The following NKAIN2 variants were observed in gnomAD, a reference collection of about 807,000 sequenced individuals.
NKAIN2 encodes sodium/potassium-transporting ATPase subunit beta-1-interacting protein 2.
In NKAIN2, 14 loss-of-function variants were observed where a neutral mutation model predicts 32.6. The ratio of observed to expected loss-of-function variants is 0.43; its 90% confidence interval spans 0.28 to 0.67. The LOEUF is 0.67. Among genes scored for constraint, NKAIN2 ranks in the 30% least tolerant of loss-of-function variants. The pLI, the probability that NKAIN2 is intolerant of heterozygous loss-of-function variation, is 0.17. For synonymous variants in NKAIN2, 80 were observed against 87.2 expected (o/e 0.92, Z 0.46); for missense variants, 198 against 258.3 (o/e 0.77, Z 1.60).
Position 123,970,110 on chromosome 6 carries a change from G to GATATATATATAT in NKAIN2, c.54+165861_54+165872dup, listed in dbSNP as rs71541239. 2.1e-3 allele frequency among the ~76,000 whole-genome samples: 315 copies of GATATATATATAT among 149,264 alleles called. 1 individual carries two copies. The highest frequency in any genetic ancestry group is 7.0e-3 in the Middle Eastern group (2 of 284). On this transcript the variant is annotated intron_variant, in intron 1 of 6. Transcript: ENST00000368417. ...CACACAAAATACTGATTATTAAATG[G>GATATATATATAT]ATATATATATATATATGTATAAATG...
intron 4 of NKAIN2, among the ~76,000 whole-genome samples, chr6:124,712,741 G>A (rs1775563584): frequency 6.6e-6 from 1 of 151,836 alleles, no homozygotes; most frequent in African/African-American, 2.4e-5. Context: ...ACCTCAGATG[G>A]AAATGCAGAA....
intron 5 of NKAIN2, among the ~76,000 whole-genome samples, chr6:124,796,098 C>G (rs1310836868): frequency 2.0e-5 from 3 of 152,098 alleles, no homozygotes; most frequent in Non-Finnish European, 2.9e-5. Flanking sequence ...CAGGGGATGA[C>G]AGCAACCCTC....
chr6:124,804,764 C>T (rs1470514293), intron 5 of NKAIN2, among the ~76,000 whole-genome samples: 2 of 152,094 alleles, frequency 1.3e-5, no homozygotes, highest in Non-Finnish European at 2.9e-5. Flanking sequence ...ACAGACGGCA[C>T]CTGGAAAATC....
At chr6:124,190,558 G>A (rs1433134284) in intron 1 of NKAIN2, among the ~76,000 whole-genome samples, 1 of 152,130 alleles carries the variant, frequency 6.6e-6, no homozygotes, top group Non-Finnish European at 1.5e-5. Flanking sequence ...TCTATAATTG[G>A]CATTTAAACA....
chr6:123,914,147 C>A (rs374905607), intron 1 of NKAIN2, among the ~76,000 whole-genome samples: 60 of 152,042 alleles, frequency 3.9e-4, no homozygotes, highest in African/African-American at 1.4e-3. Flanking sequence ...TGGTGAGGGC[C>A]CTCTTTCTCT....
intron 1 of NKAIN2, among the ~76,000 whole-genome samples, chr6:124,120,609 G>T (rs1785833821): frequency 6.6e-6 from 1 of 152,046 alleles, no homozygotes; most frequent in Admixed American, 6.6e-5. Flanking sequence ...CTTAGCTGCT[G>T]GATTTCACTG....
At chr6:124,170,528 A>G (rs752936945) in intron 1 of NKAIN2, among the ~76,000 whole-genome samples, 1 of 152,210 alleles carries the variant, frequency 6.6e-6, no homozygotes, top group Non-Finnish European at 1.5e-5. Flanking sequence ...TGGACAATGA[A>G]AGTGTGCTGT....
At chr6:123,981,500 C>T (rs1406857789) in intron 1 of NKAIN2, among the ~76,000 whole-genome samples, 1 of 152,236 alleles carries the variant, frequency 6.6e-6, no homozygotes, top group East Asian at 1.9e-4. Flanking sequence ...CAGACCTTCC[C>T]ATTAGCCACT....
At chr6:124,063,924 C>T (rs1210945597) in intron 1 of NKAIN2, among the ~76,000 whole-genome samples, 1 of 151,764 alleles carries the variant, frequency 6.6e-6, no homozygotes, top group Non-Finnish European at 1.5e-5. Flanking sequence ...TTATACTGTA[C>T]TAACATATTT....
intron 1 of NKAIN2, among the ~76,000 whole-genome samples, chr6:124,218,020 A>G (rs1791579203): frequency 6.6e-6 from 1 of 152,090 alleles, no homozygotes; most frequent in East Asian, 1.9e-4. Context: ...TCTGAAAGCT[A>G]CAGTTCCAGA....
intron 3 of NKAIN2, among the ~76,000 whole-genome samples, chr6:124,372,564 G>C (rs1385663345): frequency 6.6e-6 from 1 of 152,074 alleles, no homozygotes; most frequent in Non-Finnish European, 1.5e-5. Context: ...ACACTGAAAT[G>C]TTCTCTTTAG....
At chr6:123,981,012 G>A (rs555155657) in intron 1 of NKAIN2, among the ~76,000 whole-genome samples, 1 of 152,102 alleles carries the variant, frequency 6.6e-6, no homozygotes, top group South Asian at 2.1e-4. Flanking sequence ...TAGGACTACA[G>A]GCACGCACCA....
intron 4 of NKAIN2, among the ~76,000 whole-genome samples, chr6:124,665,896 G>C (rs970318203): frequency 6.6e-6 from 1 of 152,124 alleles, no homozygotes; most frequent in Non-Finnish European, 1.5e-5. Flanking sequence ...GTACTTCTCA[G>C]TAAATCGTGA....
intron 1 of NKAIN2, among the ~76,000 whole-genome samples, chr6:124,033,588 A>T (rs1164968895): frequency 2.6e-5 from 4 of 152,098 alleles, no homozygotes; most frequent in Non-Finnish European, 5.9e-5. Flanking sequence ...CTGAAATGAA[A>T]ATTGATGACC....
rs987379721 is a variant in NKAIN2 at position 123,999,889 on chromosome 6, G to A, written c.54+195635G>A. On this transcript the variant is annotated intron_variant, in intron 1 of 6. Coordinates refer to ENST00000368417, the MANE Select transcript of NKAIN2 (RefSeq NM_001040214.3). ...CTTTGTCTTCCTATATTTAGTTGCT[G>A]TCAATGAGTTTTGGTATGTACAAAT... is the stretch of plus-strand genomic sequence containing the variant. Among the ~76,000 whole-genome samples the A allele has an allele frequency of 2.6e-5, 4 of 152,160 alleles. 1 individual carries two copies. The East Asian group carries it at 7.7e-4, about 29-fold the overall frequency.
intron 3 of NKAIN2, among the ~76,000 whole-genome samples, chr6:124,392,008 A>G (rs1036468934): frequency 6.6e-6 from 1 of 152,144 alleles, no homozygotes; most frequent in Admixed American, 6.6e-5. Flanking sequence ...ACCTGATATA[A>G]CACATTCATT....
intron 3 of NKAIN2, among the ~76,000 whole-genome samples, chr6:124,395,600 A>G (rs1485526356): frequency 6.6e-6 from 1 of 152,192 alleles, no homozygotes; most frequent in African/African-American, 2.4e-5. Flanking sequence ...CTCAGTCACA[A>G]CTGAAACTTA....
chr6:124,676,910 T>C (rs1031929474), intron 4 of NKAIN2, among the ~76,000 whole-genome samples: 1 of 152,198 alleles, frequency 6.6e-6, no homozygotes, highest in African/African-American at 2.4e-5. Context: ...AATAAGTCTC[T>C]TGTTATCTCA....
At chr6:123,858,147 G>T (rs774495299) in intron 1 of NKAIN2, among the ~76,000 whole-genome samples, 2 of 149,430 alleles carry the variant, frequency 1.3e-5, no homozygotes, top group Non-Finnish European at 3.0e-5. Context: ...AGGGATACTC[G>T]CTCTGTCGCC....
Sources: allele counts gnomAD v4.1 joint callset (sites outside exome capture counted in the v4.1 genomes callset), GRCh38; gene constraint gnomAD v4.1.1; transcripts MANE v1.5; gene names NCBI Gene and HGNC (gene_info 2026-07-23, HGNC 2026-07-21).